The following ARHGAP23 variants were observed in gnomAD, a reference collection of about 807,000 sequenced individuals.
ARHGAP23 encodes the protein Rho GTPase activating protein 23, also known as rho GTPase-activating protein 23.
ARHGAP23 carries 34 observed loss-of-function variants against 136.3 expected under a neutral mutation model. That is an observed-to-expected ratio of 0.25 (90% CI 0.19 to 0.33). The LOEUF is 0.33. Among genes scored for constraint, ARHGAP23 ranks in the 10% least tolerant of loss-of-function variants. The pLI, the probability that ARHGAP23 is intolerant of heterozygous loss-of-function variation, is 1.00. For synonymous variants in ARHGAP23, 832 were observed against 920.5 expected, an observed-to-expected ratio of 0.90 and a Z score of 1.74; for missense variants, 1,808 against 2,139.0, an observed-to-expected ratio of 0.85 and a Z score of 3.05.
At chr17:38,462,701 G>A in intron 3 of ARHGAP23, 145 bp from the exon 4 acceptor site, 1 of 613,882 alleles carries the variant, frequency 1.6e-6, no homozygotes, top group South Asian at 2.4e-5. Context: ...GACCTGTCCA[G>A]TGTCCTCGTG....
At chr17:38,488,961 C>T (rs2040214695) in intron 17 of ARHGAP23, among the ~76,000 whole-genome samples, 1 of 151,228 alleles carries the variant, frequency 6.6e-6, no homozygotes, top group Non-Finnish European at 1.5e-5. Context: ...CTGCAACCTC[C>T]GCCTCCCGGG....
intron 8 of ARHGAP23, 94 bp downstream of exon 8, chr17:38,469,393 C>A: frequency 6.8e-7 from 1 of 1,469,524 alleles, no homozygotes; most frequent in African/African-American, 1.4e-5. Flanking sequence ...CTGGCCTCTT[C>A]CTCTGGTTTC....
At chr17:38,438,517 C>T (rs1473668533) in intron 1 of ARHGAP23, among the ~76,000 whole-genome samples, 1 of 152,050 alleles carries the variant, frequency 6.6e-6, no homozygotes, top group Non-Finnish European at 1.5e-5. Context: ...CCAATGAGAC[C>T]AGATCCCGCC....
chr17:38,490,360 C>A, intron 18 of ARHGAP23, 102 bp from the exon 19 acceptor site: 4 of 1,151,514 alleles, frequency 3.5e-6, no homozygotes, highest in Non-Finnish European at 5.1e-6. Context: ...GTTCCAGACT[C>A]CCTGAGGCAT....
At chr17:38,432,846 G>A (rs1485802405) in intron 1 of ARHGAP23, among the ~76,000 whole-genome samples, 9 of 152,114 alleles carry the variant, frequency 5.9e-5, no homozygotes, top group Non-Finnish European at 7.4e-5. Context: ...CAAACCAAAC[G>A]AAACAAAAAA....
At chr17:38,446,817 T>G (rs1156924014) in intron 1 of ARHGAP23, among the ~76,000 whole-genome samples, 1 of 151,980 alleles carries the variant, frequency 6.6e-6, no homozygotes, top group East Asian at 1.9e-4. Context: ...TTTTTATTGC[T>G]TTTTTAGAGA....
chr17:38,464,825 C>G (rs2039545376), intron 6 of ARHGAP23, among the ~76,000 whole-genome samples: 1 of 152,176 alleles, frequency 6.6e-6, no homozygotes, highest in Non-Finnish European at 1.5e-5. Context: ...CCTCCACTGG[C>G]CCCCGCATCT....
chr17:38,454,206 C>A, intron 1 of ARHGAP23: 1 of 152,952 alleles, frequency 6.5e-6, no homozygotes, highest in South Asian at 1.8e-4. Flanking sequence ...GGGACTGGGT[C>A]ACCAACTCCC....
intron 17 of ARHGAP23, among the ~76,000 whole-genome samples, chr17:38,486,970 G>A (rs1464085792): frequency 6.6e-6 from 1 of 152,206 alleles, no homozygotes; most frequent in Non-Finnish European, 1.5e-5. Context: ...GTTCAGGGGT[G>A]TGCTGGCAGA....
At chr17:38,490,613 C>T (rs1296919023) in intron 19 of ARHGAP23, 62 bp downstream of exon 19, 4 of 1,340,378 alleles carry the variant, frequency 3.0e-6, no homozygotes, top group Non-Finnish European at 4.2e-6. Flanking sequence ...TGTGAGGGCC[C>T]TCAGCACGCA....
intron 2 of ARHGAP23, among the ~76,000 whole-genome samples, chr17:38,460,400 G>A (rs756707435): frequency 6.6e-6 from 1 of 152,094 alleles, no homozygotes; most frequent in Non-Finnish European, 1.5e-5. Flanking sequence ...TGCTGTGAGC[G>A]CTTATCCCTG....
chr17:38,422,596 T>TGCTTACCCTGCTGCCA (rs905151133), intron 1 of ARHGAP23, among the ~76,000 whole-genome samples: 1 of 152,136 alleles, frequency 6.6e-6, no homozygotes, highest in African/African-American at 2.4e-5. Context: ...GGGTGTGGCT[T>TGCTTACCCTGCTGCCA]GCTTACCCTG....
At chr17:38,458,623 A>G (rs2039386789) in intron 2 of ARHGAP23, among the ~76,000 whole-genome samples, 1 of 152,130 alleles carries the variant, frequency 6.6e-6, no homozygotes, top group African/African-American at 2.4e-5. Context: ...GTTGTCTGGG[A>G]GTTCCTGGGA....
At chr17:38,476,038 C>T (rs1353069397) in intron 11 of ARHGAP23, among the ~76,000 whole-genome samples, 2 of 152,164 alleles carry the variant, frequency 1.3e-5, no homozygotes, top group Non-Finnish European at 2.9e-5. Flanking sequence ...GCAAGGGCCC[C>T]CTGGCTTGAC....
chr17:38,475,766 C>T (rs998519217), intron 11 of ARHGAP23, among the ~76,000 whole-genome samples: 9 of 152,130 alleles, frequency 5.9e-5, no homozygotes, highest in Admixed American at 2.0e-4. Context: ...AATGAGAGGA[C>T]GGACAAGCTC....
At chr17:38,442,598 G>A (rs999131980) in intron 1 of ARHGAP23, among the ~76,000 whole-genome samples, 2 of 152,202 alleles carry the variant, frequency 1.3e-5, no homozygotes, top group Non-Finnish European at 2.9e-5. Flanking sequence ...ACCTGGTCTG[G>A]GGCCAGAGGA....
rs1240981621 is a variant in ARHGAP23, at chr17:38,446,583, T to C, written c.64-11519T>C. 2.0e-5 allele frequency among the ~76,000 whole-genome samples: 3 copies of C among 151,814 alleles called. No individual in the cohort carries two copies. In the Middle Eastern group the frequency reaches 0.01, roughly 520 times the overall value. ...GATATATACCCAGAAGTGGAATTAC[T>C]GGATCATATGGTAATTCTGTGTTTA... On this transcript the variant is annotated intron_variant, in intron 1 of 23. Transcript: ENST00000622683.
intron 2 of ARHGAP23, among the ~76,000 whole-genome samples, chr17:38,460,312 G>A (rs942669307): frequency 8.5e-5 from 13 of 152,152 alleles, no homozygotes; most frequent in Admixed American, 7.2e-4. Flanking sequence ...TGTCCTGTAA[G>A]CCTGAGTGCT....
chr17:38,425,708 C>G (rs1171791650), upstream of ARHGAP23, among the ~76,000 whole-genome samples: 1 of 152,086 alleles, frequency 6.6e-6, no homozygotes, highest in Non-Finnish European at 1.5e-5. Context: ...ACAGTGGGTG[C>G]TGGGGCGGAT....
Sources: gnomAD v4.1 joint callset for allele counts (sites outside exome capture counted in the v4.1 genomes callset) on GRCh38, gnomAD v4.1.1 for gene constraint, MANE v1.5 for transcripts, NCBI Gene and HGNC (gene_info 2026-07-23, HGNC 2026-07-21) for gene names.